Variants in CLYBL observed in about 807,000 individuals in gnomAD.
CLYBL encodes the protein citramalyl-CoA lyase, mitochondrial.
CLYBL carries 31 observed loss-of-function variants against 38.9 expected under a neutral mutation model. That is an observed-to-expected ratio of 0.80 (90% CI 0.60 to 1.08). CLYBL has a LOEUF of 1.08. Among genes scored for constraint, CLYBL ranks in the 50% least tolerant of loss-of-function variants. CLYBL has a pLI of 0.00. For synonymous variants in CLYBL, 171 were observed against 158.6 expected (o/e 1.08, Z -0.59); for missense variants, 434 against 411.6 (o/e 1.05, Z -0.47).
At chr13:99,780,742 C>G (rs1202054358) in intron 2 of CLYBL, among the ~76,000 whole-genome samples, 1 of 131,142 alleles carries the variant, frequency 7.6e-6, no homozygotes, top group Non-Finnish European at 1.6e-5. Context: ...GAAACGTAGT[C>G]TCACTATGTT....
At chr13:99,890,425 T>A (rs1449057534) in intron 7 of CLYBL, among the ~76,000 whole-genome samples, 1 of 152,144 alleles carries the variant, frequency 6.6e-6, no homozygotes, top group East Asian at 1.9e-4. Context: ...CATCTTAACA[T>A]TCAACAGATC....
At chr13:99,615,584 A>T (rs2763941) in intron 1 of CLYBL, among the ~76,000 whole-genome samples, 128,052 of 152,212 alleles carry the variant, frequency 0.84, 54,001 homozygotes, top group Middle Eastern at 0.91. Flanking sequence ...ATAAATAAGA[A>T]ATCAAGGAAA....
intron 2 of CLYBL, among the ~76,000 whole-genome samples, chr13:99,777,674 G>A (rs1026580680): frequency 1.3e-4 from 19 of 151,810 alleles, no homozygotes; most frequent in Non-Finnish European, 2.8e-4. Context: ...TGTAATTTTA[G>A]TAGAGACGGG....
intron 1 of CLYBL, among the ~76,000 whole-genome samples, chr13:99,631,912 A>G (rs1181397304): frequency 6.6e-6 from 1 of 152,172 alleles, no homozygotes; most frequent in Non-Finnish European, 1.5e-5. Context: ...CACACAAAGT[A>G]TTTTTAAAAA....
intron 1 of CLYBL, among the ~76,000 whole-genome samples, chr13:99,759,239 C>A (rs1481669153): frequency 2.0e-5 from 3 of 152,130 alleles, no homozygotes; most frequent in Non-Finnish European, 4.4e-5. Flanking sequence ...AAATAAGAAG[C>A]TTTCATAGTC....
At chr13:99,704,128 A>G (rs1373680081) in intron 1 of CLYBL, among the ~76,000 whole-genome samples, 2 of 152,224 alleles carry the variant, frequency 1.3e-5, no homozygotes, top group African/African-American at 4.8e-5. Flanking sequence ...TGTTAATGAC[A>G]TTCAGATCTT....
intron 2 of CLYBL, among the ~76,000 whole-genome samples, chr13:99,825,951 A>G (rs1182133391): frequency 3.9e-5 from 6 of 152,184 alleles, no homozygotes; most frequent in African/African-American, 1.4e-4. Context: ...CCACTGGACA[A>G]AGGGCTACAG....
At chr13:99,857,725 A>C (rs2051494567) in intron 2 of CLYBL, among the ~76,000 whole-genome samples, 1 of 152,144 alleles carries the variant, frequency 6.6e-6, no homozygotes, top group African/African-American at 2.4e-5. Context: ...TAGACTCAAT[A>C]TTTGGCTTAA....
chr13:99,608,401 A>G (rs1232493839), intron 1 of CLYBL, among the ~76,000 whole-genome samples: 16 of 152,158 alleles, frequency 1.1e-4, no homozygotes, highest in Non-Finnish European at 1.5e-5. Flanking sequence ...GTCTTCTTGC[A>G]CTGTGACTCT....
intron 1 of CLYBL, among the ~76,000 whole-genome samples, chr13:99,732,430 G>A (rs571708356): frequency 6.6e-6 from 1 of 152,182 alleles, no homozygotes; most frequent in South Asian, 2.1e-4. Flanking sequence ...CTAGGCTCAG[G>A]CAATCCTCCC....
chr13:99,622,799 TTTAAA>T (rs1257882212), intron 1 of CLYBL, among the ~76,000 whole-genome samples: 1 of 77,380 alleles, frequency 1.3e-5, no homozygotes, highest in African/African-American at 3.5e-5. Flanking sequence ...TTGTTTATTT[TTTAAA>T]TTAAATTTAA....
At chr13:99,638,426 C>A (rs1243405365) in intron 1 of CLYBL, among the ~76,000 whole-genome samples, 1 of 152,220 alleles carries the variant, frequency 6.6e-6, no homozygotes, top group African/African-American at 2.4e-5. Context: ...TACACACACA[C>A]AATATATGTG....
At chr13:99,729,631 G>A (rs1053454138) in intron 1 of CLYBL, among the ~76,000 whole-genome samples, 1 of 152,118 alleles carries the variant, frequency 6.6e-6, no homozygotes, top group Non-Finnish European at 1.5e-5. Flanking sequence ...GCCAGCCATC[G>A]GCCTGTTGAC....
At chr13:99,897,094 T>A (rs1397895546), downstream of CLYBL, 1 of 151,992 alleles carries the variant, frequency 6.6e-6, no homozygotes, top group Non-Finnish European at 1.5e-5. Flanking sequence ...ACAAGAGAGG[T>A]GCGAATTAGG....
intron 6 of CLYBL, among the ~76,000 whole-genome samples, 190 bp from the exon 7 acceptor site, chr13:99,870,748 T>C (rs967948637): frequency 2.0e-5 from 3 of 152,216 alleles, no homozygotes; most frequent in Admixed American, 1.3e-4. Context: ...GTTGTGCTTC[T>C]GTGGTATTCT....
At chr13:99,772,705 AAAAAT>A (rs1188294301) in intron 1 of CLYBL, 114 bp from the exon 2 acceptor site, 1 of 897,068 alleles carries the variant, frequency 1.1e-6, no homozygotes, top group Non-Finnish European at 1.7e-6. Context: ...TCAAAAAAAT[AAAAAT>A]AAAAAAAGAT....
intron 1 of CLYBL, among the ~76,000 whole-genome samples, chr13:99,676,401 A>G (rs11842056): frequency 0.074 from 10,192 of 137,220 alleles, 1,162 homozygotes; most frequent in African/African-American, 0.26. Context: ...CCTCCACCTC[A>G]TTTGTTCTCA....
chr13:99,718,260 G>T (rs971900466), intron 1 of CLYBL, among the ~76,000 whole-genome samples: 2 of 151,952 alleles, frequency 1.3e-5, no homozygotes, highest in African/African-American at 4.8e-5. Flanking sequence ...ATGAAAAGGG[G>T]CATGGGCTTT....
At chr13:99,788,318 A>T (rs567638348) in intron 2 of CLYBL, among the ~76,000 whole-genome samples, 1 of 152,224 alleles carries the variant, frequency 6.6e-6, no homozygotes, top group East Asian at 1.9e-4. Context: ...CCCATTCAGT[A>T]TGATACTGGC....
Sources: gnomAD v4.1 joint callset for allele counts (sites outside exome capture counted in the v4.1 genomes callset) on GRCh38, gnomAD v4.1.1 for gene constraint, MANE v1.5 for transcripts, NCBI Gene and HGNC (gene_info 2026-07-23, HGNC 2026-07-21) for gene names.